FHIT: variants seen among roughly 807,000 people sequenced by gnomAD.
The protein encoded by FHIT is fragile histidine triad diadenosine triphosphatase, also known as bis(5'-adenosyl)-triphosphatase.
Under a neutral mutation model 17.9 loss-of-function variants are expected in FHIT, and 19 were observed. The ratio of observed to expected loss-of-function variants is 1.06; its 90% confidence interval spans 0.74 to 1.56. The LOEUF (loss-of-function observed/expected upper bound fraction) is 1.56. Among genes scored for constraint, FHIT ranks in the 40% most tolerant of loss-of-function variants. The pLI, the probability that FHIT is intolerant of heterozygous loss-of-function variation, is 0.00. For synonymous variants in FHIT, 81 were observed against 69.7 expected (o/e 1.16, Z -0.81); for missense variants, 248 against 189.2 (o/e 1.31, Z -1.82).
intron 8 of FHIT, among the ~76,000 whole-genome samples, chr3:59,852,453 T>C (rs746001577): frequency 6.6e-6 from 1 of 152,084 alleles, no homozygotes; most frequent in Non-Finnish European, 1.5e-5. Flanking sequence ...CTGCCCCACA[T>C]ATGTTGCCTC....
intron 5 of FHIT, among the ~76,000 whole-genome samples, chr3:60,211,929 T>A (rs1272955127): frequency 6.6e-6 from 1 of 152,194 alleles, no homozygotes; most frequent in Non-Finnish European, 1.5e-5. Context: ...CATATTAAAG[T>A]ACATTTACAT....
intron 3 of FHIT, among the ~76,000 whole-genome samples, chr3:60,892,200 T>G (rs1367711612): frequency 6.6e-6 from 1 of 152,224 alleles, no homozygotes; most frequent in African/African-American, 2.4e-5. Flanking sequence ...GGTTTTTTCT[T>G]TTGGTGTTAA....
chr3:60,346,267 A>T (rs1374023341), intron 5 of FHIT, among the ~76,000 whole-genome samples: 1 of 152,318 alleles, frequency 6.6e-6, no homozygotes, highest in South Asian at 2.1e-4. Flanking sequence ...AGCTTTTGCT[A>T]CCTATAAGAG....
intron 5 of FHIT, among the ~76,000 whole-genome samples, chr3:60,167,341 C>T (rs1701219453): frequency 6.6e-6 from 1 of 152,170 alleles, no homozygotes; most frequent in African/African-American, 2.4e-5. Flanking sequence ...AAACACACCT[C>T]TTATTCTAGT....
At chr3:59,965,537 A>G (rs1443805836) in intron 7 of FHIT, among the ~76,000 whole-genome samples, 1 of 152,150 alleles carries the variant, frequency 6.6e-6, no homozygotes, top group Non-Finnish European at 1.5e-5. Context: ...GAATCATAAC[A>G]TATTCAAAGA....
chr3:59,975,632 G>C (rs1184205041), intron 7 of FHIT, among the ~76,000 whole-genome samples: 2 of 152,008 alleles, frequency 1.3e-5, no homozygotes, highest in Non-Finnish European at 2.9e-5. Flanking sequence ...AAAAACATTA[G>C]AGAAAGAGAG....
At chr3:60,951,800 T>C (rs1016475855) in intron 3 of FHIT, among the ~76,000 whole-genome samples, 1 of 152,188 alleles carries the variant, frequency 6.6e-6, no homozygotes, top group South Asian at 2.1e-4. Context: ...CTTCATTAAC[T>C]AGTATTTATA....
intron 4 of FHIT, among the ~76,000 whole-genome samples, chr3:60,629,191 T>C (rs1398248301): frequency 1.3e-5 from 2 of 152,082 alleles, no homozygotes; most frequent in African/African-American, 4.8e-5. Flanking sequence ...ACCATATCCC[T>C]TGACTGGAAG....
At chr3:60,094,849 G>GA (rs763076752) in intron 5 of FHIT, among the ~76,000 whole-genome samples, 15 of 148,658 alleles carry the variant, frequency 1.0e-4, no homozygotes, top group South Asian at 4.3e-4. Context: ...GAGAGGGAGA[G>GA]AAAAAAAAAG....
intron 3 of FHIT, among the ~76,000 whole-genome samples, chr3:60,895,676 T>A (rs1298770903): frequency 2.2e-5 from 1 of 45,248 alleles, no homozygotes. Context: ...CTTTCTTTCT[T>A]TCTTTCTTTC....
At chr3:60,348,651 G>C (rs1710918757) in intron 5 of FHIT, among the ~76,000 whole-genome samples, 3 of 152,148 alleles carry the variant, frequency 2.0e-5, no homozygotes, top group Admixed American at 6.5e-5. Context: ...TTGTGGCAGA[G>C]AGCAAAAATG....
At chr3:61,020,247 G>A (rs2032340970) in intron 3 of FHIT, among the ~76,000 whole-genome samples, 1 of 152,114 alleles carries the variant, frequency 6.6e-6, no homozygotes, top group South Asian at 2.1e-4. Flanking sequence ...GTGTGAGATG[G>A]TATCTCATTG....
intron 5 of FHIT, among the ~76,000 whole-genome samples, chr3:60,126,902 C>T (rs1705576578): frequency 6.6e-6 from 1 of 152,162 alleles, no homozygotes; most frequent in Non-Finnish European, 1.5e-5. Context: ...CCTCTTTGAG[C>T]TAATACCTGC....
At chr3:61,214,101 A>G (rs538011054) in intron 1 of FHIT, among the ~76,000 whole-genome samples, 23 of 152,328 alleles carry the variant, frequency 1.5e-4, no homozygotes, top group Admixed American at 3.9e-4. Context: ...CAAGAACTAG[A>G]AAAGCAAGAG....
At chr3:60,304,867 C>T (rs1708602591) in intron 5 of FHIT, among the ~76,000 whole-genome samples, 1 of 152,058 alleles carries the variant, frequency 6.6e-6, no homozygotes, top group East Asian at 1.9e-4. Context: ...AAGTTAAAGA[C>T]AAGTTTTTAT....
At chr3:59,773,201 C>G (rs9872138) in intron 8 of FHIT, among the ~76,000 whole-genome samples, 122,603 of 151,670 alleles carry the variant, frequency 0.81, 50,246 homozygotes, top group East Asian at 1. Flanking sequence ...AAGCAGGCTT[C>G]GAGCAGAGCC....
At chr3:59,801,851 T>C (rs1700006857) in intron 8 of FHIT, among the ~76,000 whole-genome samples, 2 of 152,216 alleles carry the variant, frequency 1.3e-5, no homozygotes, top group Admixed American at 1.3e-4. Flanking sequence ...CTCTGACCTT[T>C]GCTCATACCC....
At position 60,562,692 on chromosome 3, in the gene FHIT, G is replaced by C. The variant is rs546704074; in HGVS notation, c.-17-25713C>G. On this transcript the variant is annotated intron_variant, in intron 4 of 9. Transcript: ENST00000492590. ...AATGCAAATTCTCAGCTCCACTCCA[G>C]ATGTAATTGATCAAAATCTGCACTT... Among the ~76,000 whole-genome samples the C allele has an allele frequency of 2.6e-5, 4 of 152,278 alleles. No individual in the cohort carries two copies. The South Asian group carries it at 8.3e-4, about 32-fold the overall frequency.
chr3:60,417,382 CA>C (rs1180684945), intron 5 of FHIT, among the ~76,000 whole-genome samples: 3 of 152,124 alleles, frequency 2.0e-5, no homozygotes, highest in African/African-American at 7.2e-5. Flanking sequence ...TGAGGTCGGT[CA>C]CTTTTGGTTC....
Sources: allele counts gnomAD v4.1 joint callset (sites outside exome capture counted in the v4.1 genomes callset), GRCh38; gene constraint gnomAD v4.1.1; transcripts MANE v1.5; gene names NCBI Gene and HGNC (gene_info 2026-07-23, HGNC 2026-07-21).